The following SHISA9 variants were observed in gnomAD, a reference collection of about 807,000 sequenced individuals.
SHISA9 encodes protein shisa-9.
SHISA9 carries 13 observed loss-of-function variants against 38.0 expected under a neutral mutation model. The ratio of observed to expected loss-of-function variants is 0.34; its 90% CI spans 0.22 to 0.54. SHISA9 has a LOEUF of 0.54. SHISA9 is among the 20% of genes least tolerant of loss of function. The pLI is 0.91. For synonymous variants in SHISA9, 275 were observed against 242.0 expected, an observed-to-expected ratio of 1.14 and a Z score of -1.27; for missense variants, 538 against 575.8, an observed-to-expected ratio of 0.93 and a Z score of 0.67.
intron 2 of SHISA9, among the ~76,000 whole-genome samples, chr16:13,187,328 C>CTTTTCT (rs1450024008): frequency 3.3e-5 from 3 of 90,684 alleles, no homozygotes; most frequent in Admixed American, 1.3e-4. Flanking sequence ...CTTTTCTTTT[C>CTTTTCT]TTTTTTTTTT....
the SHISA9 span, among the ~76,000 whole-genome samples, chr16:13,259,841 G>A: frequency 1.4e-5 from 2 of 146,244 alleles, no homozygotes; most frequent in Non-Finnish European, 3.1e-5. Context: ...TTCCTCCCAG[G>A]CCTCTGGGCC....
chr16:13,111,453 A>G (rs180785887), intron 2 of SHISA9, among the ~76,000 whole-genome samples: 1 of 152,120 alleles, frequency 6.6e-6, no homozygotes, highest in Non-Finnish European at 1.5e-5. Context: ...AGATCATTGA[A>G]TAATTTATTT....
intron 2 of SHISA9, among the ~76,000 whole-genome samples, chr16:12,996,661 T>C (rs1410945284): frequency 6.6e-6 from 1 of 152,108 alleles, no homozygotes; most frequent in Non-Finnish European, 1.5e-5. Context: ...CTGGGATCTA[T>C]GGGTCCTCAG....
intron 2 of SHISA9, among the ~76,000 whole-genome samples, chr16:12,955,212 G>T (rs1231598145): frequency 6.6e-6 from 1 of 152,094 alleles, no homozygotes; most frequent in Non-Finnish European, 1.5e-5. Flanking sequence ...AGGACTGGCT[G>T]GATTCCACCA....
the SHISA9 span, among the ~76,000 whole-genome samples, chr16:13,394,930 T>TGTGG: frequency 4.3e-5 from 4 of 92,112 alleles, no homozygotes; most frequent in Admixed American, 1.9e-4. Flanking sequence ...GTATCTGGGG[T>TGTGG]GTGTGTGTGT....
the SHISA9 span, among the ~76,000 whole-genome samples, chr16:13,464,467 A>G: frequency 2.6e-5 from 4 of 152,188 alleles, no homozygotes; most frequent in African/African-American, 9.7e-5. Flanking sequence ...CTATCAGCCT[A>G]AGTGCTCAGA....
the SHISA9 span, among the ~76,000 whole-genome samples, chr16:13,505,826 T>C: frequency 0.017 from 2,545 of 152,328 alleles, 45 homozygotes; most frequent in South Asian, 0.041. Flanking sequence ...CTGGGTTGGT[T>C]GCAGAAACCT....
At chr16:13,549,097 G>C in the SHISA9 span, among the ~76,000 whole-genome samples, 3 of 152,190 alleles carry the variant, frequency 2.0e-5, no homozygotes, top group Non-Finnish European at 2.9e-5. Context: ...ATTATGTTAA[G>C]TGAAATAAGC....
chr16:13,518,690 A>G, the SHISA9 span, among the ~76,000 whole-genome samples: 1 of 152,264 alleles, frequency 6.6e-6, no homozygotes, highest in East Asian at 1.9e-4. Context: ...TAGCATCTTT[A>G]TTTCCTCTTC....
At chr16:13,122,470 G>T (rs1223537936) in intron 2 of SHISA9, among the ~76,000 whole-genome samples, 7 of 152,178 alleles carry the variant, frequency 4.6e-5, no homozygotes, top group Non-Finnish European at 8.8e-5. Flanking sequence ...ATGGTCAAGG[G>T]GGAAAGAGAA....
the SHISA9 span, chr16:13,458,668 G>T: frequency 3.3e-6 from 1 of 305,436 alleles, no homozygotes; most frequent in Admixed American, 5.4e-5. Flanking sequence ...AGAAGAGGCA[G>T]AATAACCTTG....
the SHISA9 span, among the ~76,000 whole-genome samples, chr16:13,329,287 C>T: frequency 6.6e-6 from 1 of 152,104 alleles, no homozygotes; most frequent in Non-Finnish European, 1.5e-5. Flanking sequence ...GAGCTGTTCT[C>T]CTTTCTCTTT....
the SHISA9 span, among the ~76,000 whole-genome samples, chr16:13,377,457 T>C: frequency 6.6e-6 from 1 of 152,178 alleles, no homozygotes; most frequent in Non-Finnish European, 1.5e-5. Flanking sequence ...GCAAAGAGGA[T>C]TGTCCCAATA....
chr16:13,004,687 G>A (rs936941132), intron 2 of SHISA9, among the ~76,000 whole-genome samples: 10 of 151,974 alleles, frequency 6.6e-5, no homozygotes, highest in African/African-American at 1.9e-4. Context: ...CACTTTGGGA[G>A]GCCAAGGTGG....
the SHISA9 span, among the ~76,000 whole-genome samples, chr16:13,520,828 T>C: frequency 6.6e-6 from 1 of 152,106 alleles, no homozygotes; most frequent in Non-Finnish European, 1.5e-5. Flanking sequence ...TTAGCTGTTT[T>C]CCAATGCCCT....
chr16:13,379,111 C>G, the SHISA9 span, among the ~76,000 whole-genome samples: 2 of 152,154 alleles, frequency 1.3e-5, no homozygotes, highest in Non-Finnish European at 2.9e-5. Context: ...TCCTTACTCT[C>G]CCACTTCCCA....
At chr16:13,464,380 C>G in the SHISA9 span, among the ~76,000 whole-genome samples, 2 of 152,162 alleles carry the variant, frequency 1.3e-5, no homozygotes, top group Admixed American at 1.3e-4. Flanking sequence ...GGCTGCTAAG[C>G]TTTGTGCAAA....
At chr16:13,315,857 T>A in the SHISA9 span, among the ~76,000 whole-genome samples, 7 of 152,090 alleles carry the variant, frequency 4.6e-5, no homozygotes, top group Admixed American at 4.6e-4. Context: ...GTAGAAGCCA[T>A]CACTTGCTTG....
At chr16:12,958,362 G>A (rs1207519556) in intron 2 of SHISA9, among the ~76,000 whole-genome samples, 2 of 152,188 alleles carry the variant, frequency 1.3e-5, no homozygotes, top group Non-Finnish European at 2.9e-5. Context: ...GTGCACCTGT[G>A]ATTGTTTCTC....
Sources: allele counts gnomAD v4.1 joint callset (sites outside exome capture counted in the v4.1 genomes callset), GRCh38; gene constraint gnomAD v4.1.1; transcripts MANE v1.5; gene names NCBI Gene and HGNC (gene_info 2026-07-23, HGNC 2026-07-21).